ARHGEF7: variants seen among roughly 807,000 people sequenced by gnomAD.
ARHGEF7 encodes PAK-interacting exchange factor beta.
A neutral mutation model predicts 109.8 loss-of-function variants in ARHGEF7; 33 were observed. The observed-to-expected ratio is 0.30, with a 90% CI of 0.23 to 0.40. The LOEUF is 0.40. Ranked by LOEUF, ARHGEF7 falls within the 10% of genes least tolerant of loss-of-function variation. The pLI is 1.00. For synonymous variants in ARHGEF7, 458 were observed against 424.6 expected, an observed-to-expected ratio of 1.08 and a Z score of -0.97; for missense variants, 938 against 1,098.5, an observed-to-expected ratio of 0.85 and a Z score of 2.07.
intron 4 of ARHGEF7, among the ~76,000 whole-genome samples, chr13:111,212,194 C>G (rs956252081): frequency 6.6e-6 from 1 of 152,160 alleles, no homozygotes; most frequent in Admixed American, 6.5e-5. Context: ...TTTGATGTTG[C>G]GTTTACTGCT....
In ARHGEF7 at chr13:111,267,581, C is replaced by G. The variant is rs1361925767; in HGVS notation, c.984C>G (p.Cys328Trp). 3 of 1,614,082 alleles carry G rather than the reference C, an allele frequency of 1.9e-6. No individual in the cohort carries two copies. The Admixed American group carries it at 5.0e-5, about 27-fold the overall frequency. Residue 328 changes from cysteine to tryptophan, a missense_variant, in exon 9 of 22, where the codon TGC becomes TGG. Cys to Trp is a radical substitution (Grantham distance 215, BLOSUM62 -2). Transcript: ENST00000646102. ...AAGCTCAGCAGAGAGTCGGAGGCTG[C>G]TTTTTAAACCTGATGCCACAGATGA... Reference protein sequence around the residue: ...LPEAQQRVGGCFLNLMPQMKT... With the variant: ...LPEAQQRVGGWFLNLMPQMKT...
rs151019551 is a variant in ARHGEF7, at chr13:111,286,412, A to G, written c.2044+172A>G. Among the ~76,000 whole-genome samples, 655 of 152,244 alleles carry G rather than the reference A, an allele frequency of 4.3e-3. 2 individuals carry two copies. Among genetic ancestry groups the G allele is most frequent in the Middle Eastern group, 0.017 (5 of 294 alleles). ...CCACGTAACATTTACCCAAGCAAGC[A>G]GGAGAAGCGCCTTTGTGTCAGTGGT... On this transcript the variant is annotated intron_variant, in intron 17 of 21. Coordinates refer to ENST00000646102, the MANE Select transcript of ARHGEF7 (RefSeq NM_001354046.2).
chr13:111,169,772 C>G (rs2077429143), intron 2 of ARHGEF7, among the ~76,000 whole-genome samples: 1 of 152,170 alleles, frequency 6.6e-6, no homozygotes, highest in African/African-American at 2.4e-5. Flanking sequence ...TTAATGATCA[C>G]CTCTGTTTGC....
intron 19 of ARHGEF7, among the ~76,000 whole-genome samples, chr13:111,295,912 TAGAC>T (rs1247010726): frequency 3.9e-5 from 6 of 152,244 alleles, no homozygotes; most frequent in African/African-American, 7.2e-5. Flanking sequence ...ACTGGCCAGA[TAGAC>T]AGGTGTTCTC....
At chr13:111,265,769 C>T in intron 8 of ARHGEF7, 2 of 454,404 alleles carry the variant, frequency 4.4e-6, no homozygotes, top group East Asian at 7.0e-5. Flanking sequence ...GGATCAGCAG[C>T]CTTGTAACAG....
rs1223941115 is a variant in ARHGEF7, at chr13:111,272,020, G to A, written c.1074-1794G>A. On this transcript the variant is annotated intron_variant, in intron 9 of 21. Transcript: ENST00000646102. This position sits in a 1 kb window ranked among gnomAD's most constrained non-coding sequence, Gnocchi z 5.2. ...AGACCACCCTGGTTTTGTAGAAAGC[G>A]TTGAGATGTAAGTGGCCTTCTCAGA... Among the ~76,000 whole-genome samples, 2 of 152,220 alleles carry A rather than the reference G, an allele frequency of 1.3e-5. No individual in the cohort carries two copies. Among genetic ancestry groups the A allele is most frequent in the Non-Finnish European group, 1.5e-5 (1 of 68,046 alleles).
At chr13:111,213,423 A>C (rs1393433332) in intron 4 of ARHGEF7, among the ~76,000 whole-genome samples, 3 of 152,158 alleles carry the variant, frequency 2.0e-5, no homozygotes, top group Non-Finnish European at 4.4e-5. Context: ...TTGCATGATG[A>C]AGTTTTATAC....
In ARHGEF7 at chr13:111,298,388, C is replaced by T. The variant is rs868418528; in HGVS notation, c.2312-2360C>T. On this transcript the variant is annotated intron_variant, in intron 19 of 21. Coordinates refer to ENST00000646102, the MANE Select transcript of ARHGEF7 (RefSeq NM_001354046.2). ...CTCCCACATCAGTTTCCTTCCTAAG[C>T]AGTATCTTCCCGTGTGGCCCACGTG... Among the ~76,000 whole-genome samples the T allele has an allele frequency of 4.6e-5, 7 of 152,198 alleles. 1 individual carries two copies. Among genetic ancestry groups the T allele is most frequent in the Non-Finnish European group, 1.0e-4 (7 of 68,028 alleles).
intron 2 of ARHGEF7, among the ~76,000 whole-genome samples, chr13:111,190,188 G>C (rs2079709299): frequency 6.6e-6 from 1 of 152,154 alleles, no homozygotes; most frequent in Non-Finnish European, 1.5e-5. Flanking sequence ...GATTCTAGAG[G>C]AAACACATTT....
intron 15 of ARHGEF7, among the ~76,000 whole-genome samples, chr13:111,282,142 T>G (rs930696785): frequency 8.5e-5 from 13 of 152,172 alleles, no homozygotes; most frequent in African/African-American, 3.1e-4. Flanking sequence ...GACTAGAATG[T>G]GATCGTTGCA....
intron 15 of ARHGEF7, among the ~76,000 whole-genome samples, chr13:111,281,998 T>A (rs373734754): frequency 1.3e-5 from 2 of 152,370 alleles, no homozygotes; most frequent in African/African-American, 4.8e-5. Flanking sequence ...AACCAGACAC[T>A]GCTTTGACGT....
chr13:111,275,703 C>T, intron 12 of ARHGEF7, 25 bp downstream of exon 12: 2 of 1,613,836 alleles, frequency 1.2e-6, no homozygotes, highest in South Asian at 1.1e-5. Flanking sequence ...ATGCACGCAC[C>T]AGGGTTTCTG....
chr13:111,137,413 G>A (rs1176358047), intron 1 of ARHGEF7, among the ~76,000 whole-genome samples: 3 of 152,182 alleles, frequency 2.0e-5, no homozygotes, highest in Non-Finnish European at 4.4e-5. Context: ...AGGAGGCCAC[G>A]GTGTCCTCAC....
intron 1 of ARHGEF7, among the ~76,000 whole-genome samples, chr13:111,129,735 C>T (rs191449079): frequency 2.8e-4 from 42 of 152,278 alleles, no homozygotes; most frequent in African/African-American, 8.4e-4. Context: ...CAAGTGTTAG[C>T]GTGTATGTGA....
chr13:111,120,585 A>G (rs1445251333), intron 1 of ARHGEF7, among the ~76,000 whole-genome samples: 1 of 151,904 alleles, frequency 6.6e-6, no homozygotes, highest in South Asian at 2.1e-4. Flanking sequence ...GTGGCATTCC[A>G]TTTTCTCAGG....
At chr13:111,261,673 A>G (rs949662330) in intron 8 of ARHGEF7, among the ~76,000 whole-genome samples, 1 of 152,230 alleles carries the variant, frequency 6.6e-6, no homozygotes, top group East Asian at 1.9e-4. Flanking sequence ...TAGCACATGG[A>G]TCATTCTTAA....
intron 1 of ARHGEF7, among the ~76,000 whole-genome samples, chr13:111,137,700 T>A (rs1323437165): frequency 6.6e-6 from 1 of 152,126 alleles, no homozygotes; most frequent in Non-Finnish European, 1.5e-5. Context: ...AAAAAGAATA[T>A]GTTTTTTTTT....
chr13:111,167,791 A>G (rs2077247956), intron 2 of ARHGEF7, among the ~76,000 whole-genome samples: 1 of 152,292 alleles, frequency 6.6e-6, no homozygotes, highest in Admixed American at 6.5e-5. Flanking sequence ...AACTGAGGCC[A>G]TGCTAGGAAT....
intron 10 of ARHGEF7, 66 bp downstream of exon 10, chr13:111,274,018 G>A: frequency 6.5e-7 from 1 of 1,548,060 alleles, no homozygotes; most frequent in Non-Finnish European, 8.8e-7. Context: ...CAGACTTACT[G>A]TGAAAGAAAG....
Sources: allele counts gnomAD v4.1 joint callset (sites outside exome capture counted in the v4.1 genomes callset), GRCh38; gene constraint gnomAD v4.1.1; non-coding constraint Gnocchi (gnomAD v3.1); transcripts MANE v1.5; gene names NCBI Gene and HGNC (gene_info 2026-07-23, HGNC 2026-07-21).